PTPRN2: variants seen among roughly 807,000 people sequenced by gnomAD.
PTPRN2 encodes the protein receptor-type tyrosine-protein phosphatase N2.
PTPRN2 carries 74 observed loss-of-function variants against 118.8 expected under a neutral mutation model. The ratio of observed to expected loss-of-function variants is 0.62; its 90% CI spans 0.52 to 0.76. PTPRN2 has a LOEUF of 0.76. PTPRN2 is among the 30% of genes least tolerant of loss of function. The pLI, the probability that PTPRN2 is intolerant of heterozygous loss-of-function variation, is 0.00. For missense variants in PTPRN2, 1,481 were observed against 1,394.4 expected (o/e 1.06, Z -0.99); for synonymous variants, 641 against 608.0 (o/e 1.05, Z -0.80).
At chr7:157,706,090 G>A (rs1798316321) in intron 12 of PTPRN2, among the ~76,000 whole-genome samples, 2 of 151,556 alleles carry the variant, frequency 1.3e-5, no homozygotes, top group Non-Finnish European at 2.9e-5. Context: ...ATCTGTCCCA[G>A]GTGCCTTCCG....
At chr7:157,589,294 T>G (rs1800854508) in intron 17 of PTPRN2, among the ~76,000 whole-genome samples, 1 of 152,224 alleles carries the variant, frequency 6.6e-6, no homozygotes, top group Non-Finnish European at 1.5e-5. Context: ...GGCCTGGCAT[T>G]GAAGAGCTCA....
intron 1 of PTPRN2, among the ~76,000 whole-genome samples, chr7:158,549,054 G>A (rs1313743558): frequency 2.6e-5 from 4 of 152,232 alleles, no homozygotes; most frequent in Admixed American, 6.5e-5. Context: ...CCCCAGGGGG[G>A]CCGAGGGAGC....
intron 10 of PTPRN2, among the ~76,000 whole-genome samples, chr7:158,105,937 C>A (rs546489103): frequency 1.6e-4 from 24 of 150,896 alleles, no homozygotes; most frequent in African/African-American, 5.8e-4. Flanking sequence ...CTACTGTATA[C>A]CCAGCTCTAT....
rs1182792666 is a variant in PTPRN2, at chr7:157,615,825, T to TA, written c.2344+5536_2344+5537insT. 1 of 338,412 alleles carries TA rather than the reference T, an allele frequency of 3.0e-6. No individual in the cohort carries two copies. The highest frequency in any genetic ancestry group is 5.8e-6 in the Non-Finnish European group (1 of 173,134). The allele number at this position is 338,412 out of a possible 1,614,324, so 21.0% of individuals were successfully genotyped here. A position where few individuals can be genotyped will look rare whatever the true frequency, so the allele number is the denominator to read the frequency against. On this transcript the variant is annotated intron_variant, in intron 15 of 22. Coordinates refer to ENST00000389418, the MANE Select transcript of PTPRN2 (RefSeq NM_002847.5). The surrounding 1 kb of genome is among the most constrained non-coding windows in gnomAD (Gnocchi z 4.3). ...AAACTTGACTGTCACCAACGGGGGGTGGGGGGTGCGCGAGGCCCTGGGCTC... is the reference window on the plus strand; with the variant it reads ...AAACTTGACTGTCACCAACGGGGGGTAGGGGGGTGCGCGAGGCCCTGGGCTC...
At chr7:158,109,168 GAA>G (rs1039221166) in intron 10 of PTPRN2, among the ~76,000 whole-genome samples, 4 of 149,060 alleles carry the variant, frequency 2.7e-5, no homozygotes, top group African/African-American at 7.5e-5. Flanking sequence ...CCCCATGTGT[GAA>G]AGAGACAGTG....
At chr7:157,995,028 G>A (rs1365824791) in intron 11 of PTPRN2, among the ~76,000 whole-genome samples, 41 of 72 alleles carry the variant, frequency 0.57, 18 homozygotes, top group African/African-American at 0.82. Context: ...ACAGCTCCTT[G>A]TTCCTAAAAT....
intron 3 of PTPRN2, among the ~76,000 whole-genome samples, chr7:158,296,209 A>T (rs1394996839): frequency 6.6e-6 from 1 of 152,124 alleles, no homozygotes; most frequent in Non-Finnish European, 1.5e-5. Flanking sequence ...CAGAGACACA[A>T]GCAGCTCCCC....
At chr7:157,849,490 C>T (rs1809117548) in intron 12 of PTPRN2, among the ~76,000 whole-genome samples, 2 of 152,202 alleles carry the variant, frequency 1.3e-5, no homozygotes, top group African/African-American at 4.8e-5. Context: ...GCTGCTGCAG[C>T]CCCACGCCAC....
intron 11 of PTPRN2, among the ~76,000 whole-genome samples, chr7:158,057,292 A>G (rs957013776): frequency 6.6e-6 from 1 of 152,208 alleles, no homozygotes; most frequent in African/African-American, 2.4e-5. Context: ...CTGTGCCCAC[A>G]GGAAACTGAA....
At position 157,656,563 on chromosome 7, in the gene PTPRN2, G is replaced by T. The variant is rs1347553141; in HGVS notation, c.2002-12C>A. ...TGGCGGCACAGCTCCTGCAGGACAG[G>T]GGGAGGAAGAGCAGGGGGTTAGTGG... On this transcript the variant is annotated splice_polypyrimidine_tract_variant and intron_variant, in intron 13 of 22. Coordinates refer to ENST00000389418, the MANE Select transcript of PTPRN2 (RefSeq NM_002847.5). The T allele has an allele frequency of 6.5e-7, 1 of 1,528,990 alleles. No homozygotes were observed. The highest frequency in any genetic ancestry group is 1.9e-5 in the Admixed American group (1 of 51,310). The allele number at this position is 1,528,990 out of a possible 1,614,324, so 94.7% of individuals were successfully genotyped here. A position where few individuals can be genotyped will look rare whatever the true frequency, so the allele number is the denominator to read the frequency against.
chr7:158,188,769 C>T (rs925875208), intron 5 of PTPRN2, among the ~76,000 whole-genome samples: 11 of 151,966 alleles, frequency 7.2e-5, no homozygotes, highest in Non-Finnish European at 1.5e-4. Flanking sequence ...CACGCTCACC[C>T]GCTGTATGGG....
chr7:157,916,411 C>T (rs943428979), intron 11 of PTPRN2, among the ~76,000 whole-genome samples: 4 of 152,212 alleles, frequency 2.6e-5, no homozygotes, highest in South Asian at 2.1e-4. Flanking sequence ...CCAGGTCTCT[C>T]GAGCTTGAGG....
intron 4 of PTPRN2, among the ~76,000 whole-genome samples, chr7:158,197,028 A>ATG (rs139447211): frequency 2.7e-3 from 413 of 151,908 alleles, no homozygotes; most frequent in African/African-American, 9.3e-3. Context: ...ATATACATGT[A>ATG]TGTGTGTGTG....
intron 1 of PTPRN2, among the ~76,000 whole-genome samples, chr7:158,510,935 C>T (rs1422221498): frequency 6.6e-6 from 1 of 152,268 alleles, no homozygotes; most frequent in African/African-American, 2.4e-5. Flanking sequence ...AGGAATGTAC[C>T]TTCCCAGCCT....
intron 2 of PTPRN2, among the ~76,000 whole-genome samples, chr7:158,365,531 TC>T (rs1222062280): frequency 6.6e-6 from 1 of 152,222 alleles, no homozygotes; most frequent in African/African-American, 2.4e-5. Flanking sequence ...CAGCACGTGC[TC>T]CAGCAGAGCT....
intron 12 of PTPRN2, among the ~76,000 whole-genome samples, chr7:157,844,024 G>A (rs1808617881): frequency 6.6e-6 from 1 of 152,204 alleles, no homozygotes; most frequent in African/African-American, 2.4e-5. Flanking sequence ...GCACGGAGGA[G>A]GGGGCGGCGC....
intron 1 of PTPRN2, among the ~76,000 whole-genome samples, chr7:158,554,355 A>T (rs1826844246): frequency 6.6e-6 from 1 of 152,190 alleles, no homozygotes. Context: ...ACCAGGAGAC[A>T]ATTGGTTGGT....
At chr7:158,200,549 A>G (rs1826560768) in intron 4 of PTPRN2, among the ~76,000 whole-genome samples, 2 of 152,168 alleles carry the variant, frequency 1.3e-5, no homozygotes, top group Non-Finnish European at 2.9e-5. Flanking sequence ...CTAATTACAC[A>G]TCATATATAT....
At chr7:157,769,732 C>T (rs1290543247) in intron 12 of PTPRN2, among the ~76,000 whole-genome samples, 2 of 152,214 alleles carry the variant, frequency 1.3e-5, no homozygotes, top group Non-Finnish European at 2.9e-5. Flanking sequence ...CCGCAGCTCC[C>T]TGTGGCTCAG....
Sources: allele counts gnomAD v4.1 joint callset (sites outside exome capture counted in the v4.1 genomes callset), GRCh38; gene constraint gnomAD v4.1.1; non-coding constraint Gnocchi (gnomAD v3.1); transcripts MANE v1.5; gene names NCBI Gene and HGNC (gene_info 2026-07-23, HGNC 2026-07-21).